The following PRDM5 variants were observed in gnomAD, a reference collection of about 807,000 sequenced individuals.
The protein encoded by PRDM5 is PR/SET domain 5.
A neutral mutation model predicts 81.2 loss-of-function variants in PRDM5; 56 were observed. That is an observed-to-expected ratio of 0.69 (90% CI 0.56 to 0.86). PRDM5 has a LOEUF of 0.86. PRDM5 is among the 40% of genes least tolerant of loss of function. The pLI, the probability that PRDM5 is intolerant of heterozygous loss-of-function variation, is 0.00. For missense variants in PRDM5, 697 were observed against 770.1 expected, an observed-to-expected ratio of 0.91 and a Z score of 1.12; for synonymous variants, 267 against 256.4, an observed-to-expected ratio of 1.04 and a Z score of -0.39.
chr4:120,791,945 G>A (rs1026325953), intron 10 of PRDM5, among the ~76,000 whole-genome samples: 1 of 152,150 alleles, frequency 6.6e-6, no homozygotes, highest in East Asian at 1.9e-4. Context: ...GCCCTCACTA[G>A]ATACCAGATT....
intron 2 of PRDM5, among the ~76,000 whole-genome samples, chr4:120,890,599 T>C (rs771683998): frequency 3.3e-5 from 5 of 152,232 alleles, no homozygotes; most frequent in Non-Finnish European, 7.3e-5. Flanking sequence ...TGTATAAGAA[T>C]TCCCTTTTTC....
At chr4:120,816,147 C>A in intron 7 of PRDM5, 1 of 350,338 alleles carries the variant, frequency 2.9e-6, no homozygotes, top group African/African-American at 2.1e-5. Context: ...CATGCCAAAA[C>A]ATTTAAAATT....
intron 1 of PRDM5, among the ~76,000 whole-genome samples, chr4:120,911,059 C>G (rs1480081680): frequency 6.6e-6 from 1 of 152,150 alleles, no homozygotes; most frequent in Non-Finnish European, 1.5e-5. Context: ...GAGTCACCAC[C>G]TCAAACACTT....
Position 120,858,593 on chromosome 4 carries a change from A to G in PRDM5, c.178-5053T>C, listed in dbSNP as rs181389606. Reference sequence around the variant, plus strand: ...CGCGTGCGTGCGCGCGCACGCACGCACACACACACACACCATTGTAGCTTA... The same window carrying G: ...CGCGTGCGTGCGCGCGCACGCACGCGCACACACACACACCATTGTAGCTTA... On this transcript the variant is annotated intron_variant, in intron 2 of 15. Coordinates refer to ENST00000264808, the MANE Select transcript of PRDM5 (RefSeq NM_018699.4). 2.6e-3 allele frequency among the ~76,000 whole-genome samples: 396 copies of G among 151,666 alleles called. 1 individual carries two copies. The highest frequency in any genetic ancestry group is 9.0e-3 in the African/African-American group (374 of 41,422).
At chr4:120,774,888 C>CTATATATA (rs140501417) in intron 13 of PRDM5, among the ~76,000 whole-genome samples, 12,740 of 129,214 alleles carry the variant, frequency 0.099, 738 homozygotes, top group South Asian at 0.17. Context: ...CTCTCTCTTT[C>CTATATATA]TATATATATA....
At chr4:120,695,538 C>T (rs7674078) in intron 15 of PRDM5, among the ~76,000 whole-genome samples, 275 of 152,154 alleles carry the variant, frequency 1.8e-3, no homozygotes, top group African/African-American at 6.1e-3. Flanking sequence ...AAATGCTTTA[C>T]GGTCTAGATG....
chr4:120,915,684 C>A (rs1010402657), intron 1 of PRDM5, among the ~76,000 whole-genome samples: 1 of 152,174 alleles, frequency 6.6e-6, no homozygotes, highest in Non-Finnish European at 1.5e-5. Flanking sequence ...ACAGTACAGG[C>A]TCAAGCACTT....
chr4:120,806,628 G>T (rs1753008060), intron 8 of PRDM5, among the ~76,000 whole-genome samples: 1 of 152,098 alleles, frequency 6.6e-6, no homozygotes, highest in African/African-American at 2.4e-5. Flanking sequence ...AATGGTGCTG[G>T]GAAAACTGGC....
rs537606347 is a variant in PRDM5 at position 120,710,792 on chromosome 4, G to A, written c.1624-379C>T. On this transcript the variant is annotated intron_variant, in intron 14 of 15. Transcript: ENST00000264808. ...CTTCCCCCTTCCACCATGACTGTAA[G>A]TTTCCTGAGCTCTCCCCAGCCATGC... Among the ~76,000 whole-genome samples, 5 of 152,230 alleles carry A rather than the reference G, an allele frequency of 3.3e-5. No homozygotes were observed. In the South Asian group the frequency reaches 1.0e-3, roughly 32 times the overall value.
intron 15 of PRDM5, among the ~76,000 whole-genome samples, chr4:120,701,713 A>G (rs1735396846): frequency 6.6e-6 from 1 of 152,158 alleles, no homozygotes; most frequent in Non-Finnish European, 1.5e-5. Flanking sequence ...ACTACTGGGT[A>G]CTATGCTCAG....
At chr4:120,698,174 A>G (rs546043994) in intron 15 of PRDM5, among the ~76,000 whole-genome samples, 2 of 152,296 alleles carry the variant, frequency 1.3e-5, no homozygotes, top group South Asian at 4.1e-4. Context: ...TTAAGCAGCA[A>G]GTCCACTCAC....
chr4:120,789,490 A>G (rs999284249), intron 10 of PRDM5, among the ~76,000 whole-genome samples: 1 of 152,206 alleles, frequency 6.6e-6, no homozygotes, highest in African/African-American at 2.4e-5. Flanking sequence ...AACCAATAAA[A>G]CTACCTTAAA....
At chr4:120,695,381 T>C (rs1233917209) in intron 15 of PRDM5, 106 bp from the exon 16 acceptor site, 1 of 1,265,564 alleles carries the variant, frequency 7.9e-7, no homozygotes, top group African/African-American at 1.5e-5. Context: ...AGTTACTGCA[T>C]TTAATCGGTG....
At chr4:120,801,168 C>A (rs189460599) in intron 8 of PRDM5, among the ~76,000 whole-genome samples, 1 of 152,154 alleles carries the variant, frequency 6.6e-6, no homozygotes. Context: ...CAATACTAAA[C>A]CCCAGAGAAG....
In PRDM5 at chr4:120,692,855, TA is replaced by T. The variant is rs1333518013; in HGVS notation, c.*2255del. On this transcript the variant is annotated 3_prime_UTR_variant, in exon 16 of 16. Coordinates refer to ENST00000264808, the MANE Select transcript of PRDM5 (RefSeq NM_018699.4). ...TTCAATTGATCAATCATGCCTAAAA[TA>T]GTGTCTTTTTTTGGTTATTACTAAG... The T allele has an allele frequency of 6.6e-6, 1 of 152,074 alleles. No individual in the cohort carries two copies. Among genetic ancestry groups the T allele is most frequent in the Non-Finnish European group, 1.5e-5 (1 of 67,998 alleles). The allele number at this position is 152,074 out of a possible 1,614,324, so 9.4% of individuals were successfully genotyped here.
intron 3 of PRDM5, among the ~76,000 whole-genome samples, chr4:120,831,399 G>C (rs571923118): frequency 3.9e-5 from 6 of 152,108 alleles, no homozygotes; most frequent in Non-Finnish European, 7.4e-5. Flanking sequence ...TAACTGTCAG[G>C]CATGCTTCCC....
chr4:120,731,964 G>C (rs866275691), intron 14 of PRDM5, among the ~76,000 whole-genome samples: 1 of 152,284 alleles, frequency 6.6e-6, no homozygotes, highest in Middle Eastern at 3.4e-3. Flanking sequence ...AAAATATTAA[G>C]GGTATAATTC....
intron 13 of PRDM5, among the ~76,000 whole-genome samples, chr4:120,764,271 A>ATATAC (rs1018662742): frequency 3.3e-5 from 5 of 152,214 alleles, no homozygotes; most frequent in African/African-American, 1.2e-4. Context: ...AAATGACAGT[A>ATATAC]TATTTTAAAT....
intron 7 of PRDM5, chr4:120,816,141 C>T: frequency 6.0e-6 from 2 of 333,708 alleles, no homozygotes; most frequent in Non-Finnish European, 1.1e-5. Flanking sequence ...ATGTCACATG[C>T]CAAAACATTT....
Sources: allele counts gnomAD v4.1 joint callset (sites outside exome capture counted in the v4.1 genomes callset), GRCh38; gene constraint gnomAD v4.1.1; transcripts MANE v1.5; gene names NCBI Gene and HGNC (gene_info 2026-07-23, HGNC 2026-07-21).